The following TIAM1 variants were observed in gnomAD, a reference collection of about 807,000 sequenced individuals.
TIAM1 encodes TIAM Rac1 associated GEF 1.
In TIAM1, 65 loss-of-function variants were observed where a neutral mutation model predicts 163.5. The ratio of observed to expected loss-of-function variants is 0.40; its 90% CI spans 0.33 to 0.49. The LOEUF is 0.49. Ranked by LOEUF, TIAM1 falls within the 20% of genes least tolerant of loss-of-function variation. The probability of loss-of-function intolerance (pLI) is 0.77; values close to 1 mark genes in which losing one functional copy is unlikely to be tolerated. For synonymous variants in TIAM1, 833 were observed against 810.1 expected (o/e 1.03, Z -0.48); for missense variants, 1,789 against 2,044.7 (o/e 0.87, Z 2.41).
At chr21:31,399,923 C>T (rs1409588647) in intron 2 of TIAM1, among the ~76,000 whole-genome samples, 1 of 152,018 alleles carries the variant, frequency 6.6e-6, no homozygotes, top group African/African-American at 2.4e-5. Context: ...AGAATGTTGA[C>T]ACTTTCATTG....
At chr21:31,232,449 C>A (rs892718093) in intron 6 of TIAM1, among the ~76,000 whole-genome samples, 1 of 152,132 alleles carries the variant, frequency 6.6e-6, no homozygotes, top group African/African-American at 2.4e-5. Flanking sequence ...CAGTTTGTCC[C>A]TTTGCAGTGG....
chr21:31,468,812 C>G (rs1251543028), intron 1 of TIAM1, among the ~76,000 whole-genome samples: 1 of 152,078 alleles, frequency 6.6e-6, no homozygotes, highest in East Asian at 1.9e-4. Flanking sequence ...GTGCTAAATA[C>G]TCTCAGATTG....
intron 1 of TIAM1, among the ~76,000 whole-genome samples, chr21:31,530,594 C>A (rs151251846): frequency 5.9e-5 from 9 of 152,356 alleles, no homozygotes; most frequent in Non-Finnish European, 1.5e-5. Flanking sequence ...CTGTGGGGCA[C>A]CCCAGTGCCC....
rs904919941 is a variant in TIAM1, at chr21:31,287,131, G to C, written c.-188-10223C>G. Among the ~76,000 whole-genome samples the C allele has an allele frequency of 2.6e-5, 4 of 152,224 alleles. No homozygotes were observed. The East Asian group carries it at 7.7e-4, about 29-fold the overall frequency. Reference sequence around the variant, plus strand: ...ATCTTACAATCACAATGGTGTATTGGGGTTTAGTGGTGCCATTTTCTCTGC... The same window carrying C: ...ATCTTACAATCACAATGGTGTATTGCGGTTTAGTGGTGCCATTTTCTCTGC... On this transcript the variant is annotated intron_variant, in intron 2 of 27. Transcript: ENST00000541036.
chr21:31,551,214 A>T (rs950479036), intron 1 of TIAM1, among the ~76,000 whole-genome samples: 1 of 151,916 alleles, frequency 6.6e-6, no homozygotes, highest in Non-Finnish European at 1.5e-5. Flanking sequence ...ACTCCATCTC[A>T]AAACAAAAAC....
At chr21:31,366,394 G>A (rs1394497665) in intron 2 of TIAM1, among the ~76,000 whole-genome samples, 2 of 152,146 alleles carry the variant, frequency 1.3e-5, no homozygotes, top group Non-Finnish European at 2.9e-5. Flanking sequence ...CGTTAGCAGA[G>A]AATGAAAAAC....
intron 2 of TIAM1, among the ~76,000 whole-genome samples, chr21:31,389,016 G>A (rs2076925609): frequency 6.6e-6 from 1 of 152,164 alleles, no homozygotes; most frequent in Admixed American, 6.5e-5. Flanking sequence ...CTGGCCATAA[G>A]GTCTGTGTCA....
chr21:31,245,283 A>G (rs554370136), intron 6 of TIAM1, among the ~76,000 whole-genome samples: 1 of 151,268 alleles, frequency 6.6e-6, no homozygotes, highest in Admixed American at 6.6e-5. Context: ...AAACTTCTGA[A>G]TGTACCTACT....
rs138256944 is a variant in TIAM1 at position 31,250,077 on chromosome 21, T to C, written c.1411+1665A>G. On this transcript the variant is annotated intron_variant, in intron 5 of 27. Transcript: ENST00000541036. ...AGGAGGATCACTTGAGCCCAGGAAT[T>C]TGTGGCTGCAGTGAGCTGTAACTGT... 4.6e-4 allele frequency among the ~76,000 whole-genome samples: 70 copies of C among 151,234 alleles called. No homozygotes were observed. The East Asian group carries it at 0.012, about 25-fold the overall frequency.
chr21:31,257,181 T>G (rs1427888726), intron 4 of TIAM1, among the ~76,000 whole-genome samples: 2 of 152,244 alleles, frequency 1.3e-5, no homozygotes, highest in African/African-American at 4.8e-5. Context: ...CCATCCCTGA[T>G]TTGCCAGAAT....
intron 5 of TIAM1, among the ~76,000 whole-genome samples, chr21:31,247,803 A>T (rs1157815351): frequency 6.6e-6 from 1 of 152,190 alleles, no homozygotes; most frequent in East Asian, 1.9e-4. Flanking sequence ...GATTTTGAGG[A>T]TCTCAAGGCT....
rs910482718 is a variant in TIAM1 at position 31,251,671 on chromosome 21, C to G, written c.1411+71G>C. 3 of 1,450,362 alleles carry G rather than the reference C, an allele frequency of 2.1e-6. No homozygotes were observed. The African/African-American group carries it at 4.3e-5, about 21-fold the overall frequency. 89.8% of individuals were successfully genotyped at this position (1,450,362 alleles called of 1,614,324 possible). A position where few individuals can be genotyped will look rare whatever the true frequency, so the allele number is the denominator to read the frequency against. ...ACAACAACAACAAACCCACCCATCCCGTGAGTATGTGCACAACGGGGCACC... is the reference window on the plus strand; with the variant it reads ...ACAACAACAACAAACCCACCCATCCGGTGAGTATGTGCACAACGGGGCACC... On this transcript the variant is annotated intron_variant, in intron 5 of 27. Coordinates refer to ENST00000541036, the MANE Select transcript of TIAM1 (RefSeq NM_001353694.2).
intron 6 of TIAM1, among the ~76,000 whole-genome samples, chr21:31,233,555 A>G (rs1433872909): frequency 6.6e-6 from 1 of 152,192 alleles, no homozygotes; most frequent in Non-Finnish European, 1.5e-5. Context: ...AAATACAAAA[A>G]TTAGCCAGGT....
chr21:31,321,270 T>C (rs2147029315), intron 2 of TIAM1, among the ~76,000 whole-genome samples: 1 of 152,240 alleles, frequency 6.6e-6, no homozygotes, highest in African/African-American at 2.4e-5. Flanking sequence ...GGACTCAGGC[T>C]CCTCCACATA....
intron 1 of TIAM1, among the ~76,000 whole-genome samples, chr21:31,522,289 C>T (rs1026341261): frequency 6.6e-6 from 1 of 151,350 alleles, no homozygotes; most frequent in African/African-American, 2.4e-5. Flanking sequence ...GGCGGATCAC[C>T]TGAGGTCAAA....
intron 2 of TIAM1, among the ~76,000 whole-genome samples, chr21:31,412,854 T>C (rs1366491279): frequency 3.5e-5 from 5 of 144,664 alleles, no homozygotes; most frequent in Non-Finnish European, 7.5e-5. Context: ...CAGTTCACAA[T>C]AGGGCTCATG....
chr21:31,555,422 T>C (rs2048841498), intron 1 of TIAM1, among the ~76,000 whole-genome samples: 1 of 152,156 alleles, frequency 6.6e-6, no homozygotes, highest in Non-Finnish European at 1.5e-5. Context: ...CATGTGTGTA[T>C]ATAACATACA....
intron 2 of TIAM1, among the ~76,000 whole-genome samples, chr21:31,462,665 C>T (rs1443423073): frequency 6.6e-6 from 1 of 152,102 alleles, no homozygotes; most frequent in Non-Finnish European, 1.5e-5. Context: ...TGGGGTTTGT[C>T]CCCTGAACTG....
chr21:31,507,338 G>C (rs1273741433), intron 1 of TIAM1, among the ~76,000 whole-genome samples: 2 of 150,932 alleles, frequency 1.3e-5, no homozygotes, highest in African/African-American at 4.9e-5. Flanking sequence ...CTGAGTAGCT[G>C]GGATTACAGG....
Sources: allele counts gnomAD v4.1 joint callset (sites outside exome capture counted in the v4.1 genomes callset), GRCh38; gene constraint gnomAD v4.1.1; transcripts MANE v1.5; gene names NCBI Gene and HGNC (gene_info 2026-07-23, HGNC 2026-07-21).